The following IBTK variants were observed in gnomAD, a reference collection of about 807,000 sequenced individuals.
IBTK encodes the protein inhibitor of Bruton tyrosine kinase.
Under a neutral mutation model 154.9 loss-of-function variants are expected in IBTK, and 83 were observed. The observed-to-expected ratio is 0.54, with a 90% CI of 0.45 to 0.64. The LOEUF is 0.64. Among genes scored for constraint, IBTK ranks in the 30% least tolerant of loss-of-function variants. The pLI is 0.00. For synonymous variants in IBTK, 515 were observed against 536.1 expected (o/e 0.96, Z 0.54); for missense variants, 1,332 against 1,584.6 (o/e 0.84, Z 2.71).
chr6:82,213,864 AGAG>A (rs999362792), intron 12 of IBTK, among the ~76,000 whole-genome samples: 2 of 152,140 alleles, frequency 1.3e-5, no homozygotes, highest in East Asian at 1.9e-4. Context: ...AGAGAGAGGA[AGAG>A]GAGGGGAAGG....
chr6:82,185,843 A>C (rs1768533326), intron 25 of IBTK, among the ~76,000 whole-genome samples: 1 of 152,154 alleles, frequency 6.6e-6, no homozygotes, highest in South Asian at 2.1e-4. Context: ...AGTAATTTCA[A>C]TTTATACTGA....
chr6:82,226,604 G>GT (rs201331625), intron 5 of IBTK, among the ~76,000 whole-genome samples: 58,569 of 144,826 alleles, frequency 0.4, 12,320 homozygotes, highest in East Asian at 0.74. Flanking sequence ...CTTCTTTTTT[G>GT]TTTTTTTTTT....
At chr6:82,228,877 T>C (rs2127822890) in intron 4 of IBTK, among the ~76,000 whole-genome samples, 1 of 152,214 alleles carries the variant, frequency 6.6e-6, no homozygotes, top group East Asian at 1.9e-4. Flanking sequence ...CGCCTCAGCC[T>C]CCCAAAGTGC....
chr6:82,193,196 A>C (rs1768846799), intron 23 of IBTK, among the ~76,000 whole-genome samples: 1 of 152,104 alleles, frequency 6.6e-6, no homozygotes, highest in Non-Finnish European at 1.5e-5. Flanking sequence ...TATTTACACT[A>C]GGCAATACTA....
chr6:82,180,803 A>G (rs9449442), intron 26 of IBTK, among the ~76,000 whole-genome samples: 36,648 of 152,116 alleles, frequency 0.24, 4,469 homozygotes, highest in African/African-American at 0.28. Flanking sequence ...GTTCCTCAGG[A>G]CAGGTAAAGT....
intron 4 of IBTK, among the ~76,000 whole-genome samples, chr6:82,229,100 A>G (rs655345): frequency 0.73 from 110,930 of 152,006 alleles, 40,911 homozygotes; most frequent in East Asian, 0.96. Flanking sequence ...CTGGTACTCA[A>G]TTAATATTCC....
rs770294791 is a variant in IBTK, at chr6:82,214,235, C to G, written c.2196G>C (p.Leu732Phe). The stretch of plus-strand genomic sequence containing the variant: ...TAAAAGAGAAATCATACCTACTACT[C>G]AAATTACTGAAGTCGAATTTCTTTG... The part of the protein sequence containing the change: ...TVAKKFDFSN[L>F]SSRLDGVRFE... Residue 732 changes from leucine to phenylalanine, a missense_variant, in exon 12 of 29, where the codon TTG becomes TTC. Coordinates refer to ENST00000306270, the MANE Select transcript of IBTK (RefSeq NM_015525.4). 5.0e-6 allele frequency: 8 copies of G among 1,609,544 alleles called. No individual in the cohort carries two copies. The South Asian group carries it at 5.5e-5, about 11-fold the overall frequency.
At chr6:82,245,758 TC>T (rs1266208312) in intron 1 of IBTK, among the ~76,000 whole-genome samples, 1 of 151,984 alleles carries the variant, frequency 6.6e-6, no homozygotes, top group Admixed American at 6.6e-5. Context: ...ATGTGCCTTT[TC>T]TTAGAGATTT....
chr6:82,234,675 C>T (rs898437453), intron 2 of IBTK, among the ~76,000 whole-genome samples: 5 of 151,916 alleles, frequency 3.3e-5, no homozygotes, highest in African/African-American at 1.2e-4. Context: ...AGATAATCAA[C>T]CCCATAAATA....
At chr6:82,192,925 T>G (rs1582198273) in intron 23 of IBTK, among the ~76,000 whole-genome samples, 1 of 150,632 alleles carries the variant, frequency 6.6e-6, no homozygotes, top group African/African-American at 2.4e-5. Context: ...TGGTGAACCC[T>G]CATCTCTACT....
chr6:82,220,520 T>A, intron 9 of IBTK, 70 bp downstream of exon 9: 1 of 1,434,120 alleles, frequency 7.0e-7, no homozygotes, highest in Non-Finnish European at 9.3e-7. Flanking sequence ...CAATACATTT[T>A]CATGTTACCA....
At chr6:82,194,680 C>T (rs755675758) in intron 22 of IBTK, 38 bp from the exon 23 acceptor site, 2 of 1,446,592 alleles carry the variant, frequency 1.4e-6, no homozygotes, top group South Asian at 1.6e-5. Flanking sequence ...TTAACAGGCA[C>T]CTAGAACAGT....
At chr6:82,193,154 T>C (rs965771105) in intron 23 of IBTK, among the ~76,000 whole-genome samples, 7 of 152,184 alleles carry the variant, frequency 4.6e-5, no homozygotes, top group African/African-American at 1.7e-4. Flanking sequence ...TCCTGTACTT[T>C]TTTTCTTTCA....
intron 16 of IBTK, chr6:82,210,212 A>C (rs1333334322): frequency 6.6e-6 from 1 of 152,250 alleles, no homozygotes; most frequent in Non-Finnish European, 1.5e-5. Context: ...CAGGTAAGAA[A>C]GAACTTATGT....
intron 12 of IBTK, 22 bp downstream of exon 12, chr6:82,214,205 A>C: frequency 6.3e-7 from 1 of 1,586,076 alleles, no homozygotes; most frequent in Non-Finnish European, 8.6e-7. Flanking sequence ...GTACAGGAAC[A>C]GATATAAAAG....
intron 25 of IBTK, among the ~76,000 whole-genome samples, chr6:82,184,037 G>A (rs1234792899): frequency 6.6e-6 from 1 of 152,206 alleles, no homozygotes; most frequent in East Asian, 1.9e-4. Flanking sequence ...TACCCAGTCT[G>A]TGGGACTCTG....
intron 17 of IBTK, among the ~76,000 whole-genome samples, chr6:82,204,490 A>G (rs939840416): frequency 2.6e-5 from 4 of 152,154 alleles, no homozygotes; most frequent in Admixed American, 1.3e-4. Context: ...ATCACTGCAA[A>G]TAGTAGAAAA....
chr6:82,182,760 A>G (rs528800203), intron 25 of IBTK, among the ~76,000 whole-genome samples: 2 of 152,354 alleles, frequency 1.3e-5, no homozygotes, highest in East Asian at 3.9e-4. Context: ...CCATAGAAAC[A>G]CAACACAGAA....
chr6:82,181,853 TATTAGTTTTA>T lies in IBTK; in HGVS notation c.3725+16_3725+25del. 6.9e-7 allele frequency: 1 copy of T among 1,455,124 alleles called. No homozygotes were observed. The highest frequency in any genetic ancestry group is 9.3e-7 in the Non-Finnish European group (1 of 1,074,904). The allele number at this position is 1,455,124 out of a possible 1,614,324, so 90.1% of individuals were successfully genotyped here. On this transcript the variant is annotated intron_variant, in intron 26 of 28. Coordinates refer to ENST00000306270, the MANE Select transcript of IBTK (RefSeq NM_015525.4). ...ACAGAATATTTTAAGGTAGAAAATG[TATTAGTTTTA>T]AGTTTGTTTTATTACCTGACAATTT...
Sources: gnomAD v4.1 joint callset for allele counts (sites outside exome capture counted in the v4.1 genomes callset) on GRCh38, gnomAD v4.1.1 for gene constraint, MANE v1.5 for transcripts, NCBI Gene and HGNC (gene_info 2026-07-23, HGNC 2026-07-21) for gene names.